Variants in CENPQ observed in about 807,000 individuals in gnomAD.
The protein encoded by CENPQ is chromosome 6 open reading frame 139.
CENPQ carries 27 observed loss-of-function variants against 36.6 expected under a neutral mutation model. That is an observed-to-expected ratio of 0.74 (90% CI 0.54 to 1.02). The LOEUF is 1.02. Ranked by LOEUF, CENPQ falls within the 50% of genes least tolerant of loss-of-function variation. CENPQ has a pLI of 0.00. For missense variants in CENPQ, 306 were observed against 301.8 expected (o/e 1.01, Z -0.10); for synonymous variants, 101 against 101.7 (o/e 0.99, Z 0.04).
At chr6:49,488,266 A>T (rs1768635586) in intron 6 of CENPQ, 86 bp from the exon 7 acceptor site, 5 of 1,023,082 alleles carry the variant, frequency 4.9e-6, no homozygotes, top group African/African-American at 3.3e-5. Context: ...GTGTTTTTTT[A>T]AAATGTGTAT....
At chr6:49,466,929 G>T (rs930652852) in intron 1 of CENPQ, among the ~76,000 whole-genome samples, 13 of 152,150 alleles carry the variant, frequency 8.5e-5, no homozygotes, top group African/African-American at 3.1e-4. Flanking sequence ...AACCATTATG[G>T]TAGTGTTCTC....
At chr6:49,483,693 C>T (rs1225636773) in intron 6 of CENPQ, among the ~76,000 whole-genome samples, 2 of 152,252 alleles carry the variant, frequency 1.3e-5, no homozygotes, top group Non-Finnish European at 1.5e-5. Flanking sequence ...GCTGGCAGGG[C>T]CAGCCAGCTG....
At chr6:49,481,408 T>C (rs1768425072) in intron 6 of CENPQ, among the ~76,000 whole-genome samples, 1 of 152,126 alleles carries the variant, frequency 6.6e-6, no homozygotes, top group African/African-American at 2.4e-5. Context: ...GTCTGGAATT[T>C]GTTCCTCCCG....
At chr6:49,489,525 T>C (rs1008884215) in intron 8 of CENPQ, among the ~76,000 whole-genome samples, 2 of 152,236 alleles carry the variant, frequency 1.3e-5, no homozygotes, top group African/African-American at 4.8e-5. Flanking sequence ...CTCCTGTTAT[T>C]GGTATTTTGA....
chr6:49,467,731 G>T (rs1027818433), intron 1 of CENPQ, among the ~76,000 whole-genome samples: 1 of 152,096 alleles, frequency 6.6e-6, no homozygotes, highest in African/African-American at 2.4e-5. Context: ...ATGATTAATG[G>T]ACCCAAGCTA....
chr6:49,473,941 A>T lies in CENPQ; in HGVS notation c.347+1083A>T, dbSNP rs1421699698. ...CAAAGAAGACCGTTAATAATAGTAA[A>T]GGGATCAATTCAACAAGAAGAGCTA... On this transcript the variant is annotated intron_variant, in intron 5 of 8. Transcript: ENST00000335783. 1.2e-3 allele frequency among the ~76,000 whole-genome samples: 188 copies of T among 152,338 alleles called. 1 individual carries two copies. Among genetic ancestry groups the T allele is most frequent in the Non-Finnish European group, 1.9e-3 (132 of 68,032 alleles).
intron 5 of CENPQ, among the ~76,000 whole-genome samples, chr6:49,477,187 T>C (rs1768314425): frequency 6.6e-6 from 1 of 152,056 alleles, no homozygotes; most frequent in African/African-American, 2.4e-5. Context: ...CCATCAATGA[T>C]AGACTGGATT....
intron 6 of CENPQ, among the ~76,000 whole-genome samples, chr6:49,485,991 A>G (rs185683281): frequency 7.6e-4 from 116 of 152,298 alleles, no homozygotes; most frequent in African/African-American, 2.7e-3. Flanking sequence ...GGTCTTGTCC[A>G]ATATAATTAA....
chr6:49,483,732 G>A lies in CENPQ; in HGVS notation c.477+2652G>A, dbSNP rs114388734. 7.5e-3 allele frequency among the ~76,000 whole-genome samples: 1,143 copies of A among 152,314 alleles called. 10 individuals are homozygous for A. Among genetic ancestry groups the A allele is most frequent in the Non-Finnish European group, 0.014 (920 of 68,020 alleles). ...CAAGTGTGGGGCCTGCTAAACCCAC[G>A]CCCACCTGGAACTACAGCTGACCTG... On this transcript the variant is annotated intron_variant, in intron 6 of 8. Transcript: ENST00000335783.
chr6:49,472,720 A>G, intron 4 of CENPQ, 70 bp from the exon 5 acceptor site: 1 of 1,225,320 alleles, frequency 8.2e-7, no homozygotes, highest in Non-Finnish European at 1.1e-6. Context: ...GAAATCAGAG[A>G]GAAAAAGTAC....
chr6:49,488,526 T>C, intron 7 of CENPQ, 55 bp downstream of exon 7: 1 of 1,596,724 alleles, frequency 6.3e-7, no homozygotes, highest in Non-Finnish European at 8.6e-7. Flanking sequence ...AATGGTTAAA[T>C]TATGCAAAGA....
intron 6 of CENPQ, among the ~76,000 whole-genome samples, chr6:49,487,276 A>G (rs1768608984): frequency 6.6e-6 from 1 of 150,650 alleles, no homozygotes; most frequent in Non-Finnish European, 1.5e-5. Flanking sequence ...CATTCCCAGT[A>G]AGGGGCCAGA....
intron 6 of CENPQ, among the ~76,000 whole-genome samples, chr6:49,481,684 AT>A (rs1473908958): frequency 1.3e-5 from 2 of 152,082 alleles, no homozygotes; most frequent in Non-Finnish European, 2.9e-5. Flanking sequence ...CAGGGCGCTG[AT>A]TGGTGTATTT....
At chr6:49,481,835 G>C (rs1768437149) in intron 6 of CENPQ, among the ~76,000 whole-genome samples, 1 of 93,246 alleles carries the variant, frequency 1.1e-5, no homozygotes, top group African/African-American at 3.4e-5. Context: ...GCACTCCTCA[G>C]CCCTTGGGTG....
intron 1 of CENPQ, among the ~76,000 whole-genome samples, chr6:49,469,418 T>C (rs1005358471): frequency 6.6e-6 from 1 of 152,220 alleles, no homozygotes; most frequent in Non-Finnish European, 1.5e-5. Flanking sequence ...CCACTTCTTA[T>C]GGTGTAATGC....
intron 8 of CENPQ, among the ~76,000 whole-genome samples, 183 bp downstream of exon 8, chr6:49,488,867 A>G (rs1768653914): frequency 6.6e-6 from 1 of 151,470 alleles, no homozygotes; most frequent in Non-Finnish European, 1.5e-5. Context: ...AAAAAGCATT[A>G]TTTCTTTTTT....
intron 1 of CENPQ, among the ~76,000 whole-genome samples, chr6:49,465,441 T>G (rs1767979223): frequency 6.6e-6 from 1 of 152,214 alleles, no homozygotes; most frequent in Non-Finnish European, 1.5e-5. Context: ...TTTTGAAGCT[T>G]TGAAGCCAGG....
At chr6:49,474,057 A>T (rs955980577) in intron 5 of CENPQ, among the ~76,000 whole-genome samples, 6 of 152,168 alleles carry the variant, frequency 3.9e-5, no homozygotes, top group Admixed American at 1.3e-4. Flanking sequence ...AGGCTCCCAC[A>T]TAATAATAAT....
At position 49,472,801 on chromosome 6, in the gene CENPQ, G is replaced by A. The variant is rs375261802; in HGVS notation, c.290G>A (p.Ser97Asn). ...TTTTTCTTTTCTAGGACAATTTTGA[G>A]TAACAGTATTAAAGAAAAAGAAGAA... ...MMESVIMTIL[S>N]NSIKEKEEIQ... The change falls in exon 5 of 9, where the codon AGT (serine) becomes AAT (asparagine). Residue 97 changes from serine to asparagine, a missense_variant. By Grantham distance (46) the Ser-to-Asn change is conservative (BLOSUM62 1). Coordinates refer to ENST00000335783, the MANE Select transcript of CENPQ (RefSeq NM_018132.4). The A allele has an allele frequency of 3.4e-6, 5 of 1,449,852 alleles. No homozygotes were observed. Among genetic ancestry groups the A allele is most frequent in the East Asian group, 2.5e-5 (1 of 39,416 alleles). The allele number at this position is 1,449,852 out of a possible 1,614,324, so 89.8% of individuals were successfully genotyped here. A position where few individuals can be genotyped will look rare whatever the true frequency, so the allele number is the denominator to read the frequency against.
Sources: gnomAD v4.1 joint callset for allele counts (sites outside exome capture counted in the v4.1 genomes callset) on GRCh38, gnomAD v4.1.1 for gene constraint, MANE v1.5 for transcripts, NCBI Gene and HGNC (gene_info 2026-07-23, HGNC 2026-07-21) for gene names.